The following SPMIP4 variants were observed in gnomAD, a reference collection of about 807,000 sequenced individuals.
SPMIP4 encodes sperm-associated microtubule inner protein 4.
chr7:25,133,318 G>C, the SPMIP4 span, among the ~76,000 whole-genome samples: 1 of 152,210 alleles, frequency 6.6e-6, no homozygotes, highest in Non-Finnish European at 1.5e-5. Context: ...GAGGTTGCCA[G>C]TGTATGAAAG....
the SPMIP4 span, among the ~76,000 whole-genome samples, chr7:25,161,620 AT>A: frequency 0.24 from 31,637 of 131,030 alleles, 3,926 homozygotes; most frequent in East Asian, 0.31. Flanking sequence ...TTATTTATAG[AT>A]TTTTTTTTTT....
At chr7:25,173,697 T>C in the SPMIP4 span, among the ~76,000 whole-genome samples, 2 of 152,222 alleles carry the variant, frequency 1.3e-5, no homozygotes, top group East Asian at 1.9e-4. The surrounding 1 kb of genome is among the most constrained non-coding windows in gnomAD (Gnocchi z 4.4). Context: ...ATGCATTTGA[T>C]TAATGACAAC....
the SPMIP4 span, chr7:25,158,485 TAA>T: frequency 6.3e-7 from 1 of 1,596,628 alleles, no homozygotes; most frequent in Non-Finnish European, 8.6e-7. Flanking sequence ...AAGGAAAATA[TAA>T]GTTATTTACT....
chr7:25,142,843 G>GT, the SPMIP4 span: 1 of 1,447,896 alleles, frequency 6.9e-7, no homozygotes, highest in Non-Finnish European at 9.2e-7. Context: ...GATTACTGCT[G>GT]TTAATGTCAT....
the SPMIP4 span, among the ~76,000 whole-genome samples, chr7:25,134,276 A>C: frequency 6.6e-6 from 1 of 151,650 alleles, no homozygotes; most frequent in African/African-American, 2.4e-5. Flanking sequence ...AAACAAAAAC[A>C]AAAACAAAAC....
chr7:25,142,168 C>CAAA, the SPMIP4 span: 1 of 1,114,570 alleles, frequency 9.0e-7, no homozygotes, highest in Middle Eastern at 2.0e-4. Flanking sequence ...ACCCAGGACA[C>CAAA]AAAAAGTGGC....
At chr7:25,142,193 C>T in the SPMIP4 span, 2 of 1,393,844 alleles carry the variant, frequency 1.4e-6, no homozygotes, top group Non-Finnish European at 2.0e-6. Flanking sequence ...CAAGAAGGAG[C>T]CCAGCACTCT....
At chr7:25,141,753 T>A in the SPMIP4 span, among the ~76,000 whole-genome samples, 1 of 152,162 alleles carries the variant, frequency 6.6e-6, no homozygotes, top group East Asian at 1.9e-4. Context: ...ATCTCTTTTT[T>A]TTGAGACGTA....
At chr7:25,164,684 A>G in the SPMIP4 span, among the ~76,000 whole-genome samples, 1 of 139,864 alleles carries the variant, frequency 7.1e-6, no homozygotes, top group Non-Finnish European at 1.5e-5. Flanking sequence ...ATAAATGAAT[A>G]AATTCTTTAC....
chr7:25,160,760 ATTAAGAG>A, the SPMIP4 span, among the ~76,000 whole-genome samples: 1 of 152,262 alleles, frequency 6.6e-6, no homozygotes, highest in Non-Finnish European at 1.5e-5. Flanking sequence ...AGGAAGTGTT[ATTAAGAG>A]TTATTTGTAG....
chr7:25,167,862 G>C, the SPMIP4 span, among the ~76,000 whole-genome samples: 2 of 152,096 alleles, frequency 1.3e-5, no homozygotes, highest in African/African-American at 2.4e-5. Flanking sequence ...GTAACTTTAA[G>C]ATTTATAAAC....
the SPMIP4 span, among the ~76,000 whole-genome samples, chr7:25,177,615 G>A: frequency 3.3e-5 from 5 of 152,150 alleles, no homozygotes; most frequent in African/African-American, 1.2e-4. Context: ...ATACAATACA[G>A]GAAATGCTGA....
chr7:25,179,896 G>A, the SPMIP4 span: 1 of 152,508 alleles, frequency 6.6e-6, no homozygotes, highest in Non-Finnish European at 1.5e-5. Flanking sequence ...CTGGGACCAA[G>A]GGTGCCAGGG....
the SPMIP4 span, among the ~76,000 whole-genome samples, chr7:25,129,986 C>T: frequency 6.6e-6 from 1 of 151,850 alleles, no homozygotes; most frequent in South Asian, 2.1e-4. Flanking sequence ...GCCTGTAATC[C>T]CAACACTTTG....
the SPMIP4 span, among the ~76,000 whole-genome samples, chr7:25,132,536 T>TC: frequency 6.6e-6 from 1 of 152,210 alleles, no homozygotes. The surrounding 1 kb of genome is among the most constrained non-coding windows in gnomAD (Gnocchi z 5.0). Flanking sequence ...TTGTTAAAAT[T>TC]CCATAAGAAA....
At chr7:25,149,110 G>C in the SPMIP4 span, among the ~76,000 whole-genome samples, 1 of 152,172 alleles carries the variant, frequency 6.6e-6, no homozygotes, top group Non-Finnish European at 1.5e-5. Context: ...ATCCAGTTAG[G>C]CTGCAGTTCA....
At chr7:25,140,376 A>C in the SPMIP4 span, among the ~76,000 whole-genome samples, 1 of 152,188 alleles carries the variant, frequency 6.6e-6, no homozygotes, top group Non-Finnish European at 1.5e-5. Context: ...ACCTTTGCTC[A>C]CAGCAACCTC....
chr7:25,151,491 G>T, the SPMIP4 span: 3 of 690,472 alleles, frequency 4.3e-6, no homozygotes, highest in Non-Finnish European at 7.3e-6. Flanking sequence ...CCTAAGTGCT[G>T]GGATTATGGG....
the SPMIP4 span, chr7:25,136,396 G>T: frequency 5.6e-6 from 9 of 1,614,160 alleles, no homozygotes; most frequent in Admixed American, 1.7e-5. This position sits in a 1 kb window ranked among gnomAD's most constrained non-coding sequence, Gnocchi z 5.7. Flanking sequence ...TGTGGGTTGG[G>T]TTTTTAGTGA....
Sources: gnomAD v4.1 joint callset for allele counts (sites outside exome capture counted in the v4.1 genomes callset) on GRCh38, gnomAD v4.1.1 for gene constraint, Gnocchi (gnomAD v3.1) non-coding constraint, MANE v1.5 for transcripts, NCBI Gene and HGNC (gene_info 2026-07-23, HGNC 2026-07-21) for gene names.